Variants in CCR2 observed in about 807,000 individuals in gnomAD.
CCR2 encodes the protein C-C chemokine receptor type 2.
For missense variants in CCR2, 408 were observed against 440.0 expected (o/e 0.93, Z 0.65); for synonymous variants, 183 against 177.1 (o/e 1.03, Z -0.27).
chr3:46,360,598 C>G lies in CCR2; in HGVS notation c.*1988C>G, dbSNP rs1212202793. ...AGGTGGAGAAGCTCCCTGAAGTAAG[C>G]AAAGACTTTCCTCTTAGTCGAGCCA... On this transcript the variant is annotated 3_prime_UTR_variant, in exon 2 of 2. Transcript: ENST00000445132. The G allele has an allele frequency of 6.6e-6, 1 of 152,158 alleles. No homozygotes were observed. The highest frequency in any genetic ancestry group is 1.9e-4 in the East Asian group (1 of 5,192). The allele number at this position is 152,158 out of a possible 1,614,324, so 9.4% of individuals were successfully genotyped here.
chr3:46,359,600 C>T lies in CCR2; in HGVS notation c.*990C>T, dbSNP rs1176744837. The T allele has an allele frequency of 2.1e-6, 3 of 1,407,578 alleles. No individual in the cohort carries two copies. The highest frequency in any genetic ancestry group is 2.9e-6 in the Non-Finnish European group (3 of 1,038,986). The allele number at this position is 1,407,578 out of a possible 1,614,324, so 87.2% of individuals were successfully genotyped here. A position where few individuals can be genotyped will look rare whatever the true frequency, so the allele number is the denominator to read the frequency against. The stretch of plus-strand genomic sequence containing the variant: ...ATCAGAACCCAGTAAAGCTTCTTGT[C>T]TGGATCTGAGCTGGTTTGTTTTGTG... On this transcript the variant is annotated 3_prime_UTR_variant, in exon 2 of 2. Coordinates refer to ENST00000445132, the MANE Select transcript of CCR2 (RefSeq NM_001123396.4).
chr3:46,358,738 A>AAGGATT lies in CCR2; in HGVS notation c.*128_*129insAGGATT. 6.9e-7 allele frequency: 1 copy of AAGGATT among 1,453,096 alleles called. No homozygotes were observed. Among genetic ancestry groups the AAGGATT allele is most frequent in the Non-Finnish European group, 9.1e-7 (1 of 1,102,280 alleles). 90.0% of individuals were successfully genotyped at this position (1,453,096 alleles called of 1,614,324 possible). A position where few individuals can be genotyped will look rare whatever the true frequency, so the allele number is the denominator to read the frequency against. On this transcript the variant is annotated 3_prime_UTR_variant, in exon 2 of 2. Transcript: ENST00000445132. ...GCCCAGGAACCTCAGGGCTGTGTGT[A>AAGGATT]CTAATACAGACTATGTCACCCAATG...
rs1182893606 is a variant in CCR2, at chr3:46,359,729, T to C, written c.*1119T>C. The C allele has an allele frequency of 6.2e-7, 1 of 1,614,006 alleles. No homozygotes were observed. The highest frequency in any genetic ancestry group is 1.7e-5 in the Admixed American group (1 of 60,002). The stretch of plus-strand genomic sequence containing the variant: ...GATTGCCCCACTCCAAAAACCAGTG[T>C]GTGGAGGTCCAGGAGTGAGACCAGG... On this transcript the variant is annotated 3_prime_UTR_variant, in exon 2 of 2. Coordinates refer to ENST00000445132, the MANE Select transcript of CCR2 (RefSeq NM_001123396.4).
In CCR2 at chr3:46,359,991, G is replaced by T; in HGVS notation, c.*1381G>T. On this transcript the variant is annotated 3_prime_UTR_variant, in exon 2 of 2. Coordinates refer to ENST00000445132, the MANE Select transcript of CCR2 (RefSeq NM_001123396.4). ...AGAGGAGAGAGACTCCAGCTGGGTTGGAAAACAGTATTTTCCAAACTACCT... is the reference window on the plus strand; with the variant it reads ...AGAGGAGAGAGACTCCAGCTGGGTTTGAAAACAGTATTTTCCAAACTACCT... The T allele has an allele frequency of 2.4e-6, 2 of 817,296 alleles. No homozygotes were observed. The highest frequency in any genetic ancestry group is 3.8e-6 in the Non-Finnish European group (2 of 531,646). 50.6% of individuals were successfully genotyped at this position (817,296 alleles called of 1,614,324 possible). A position where few individuals can be genotyped will look rare whatever the true frequency, so the allele number is the denominator to read the frequency against.
chr3:46,360,053 A>G lies in CCR2; in HGVS notation c.*1443A>G. The G allele has an allele frequency of 1.9e-6, 1 of 532,374 alleles. No homozygotes were observed. The allele number at this position is 532,374 out of a possible 1,614,324, so 33.0% of individuals were successfully genotyped here. On this transcript the variant is annotated 3_prime_UTR_variant, in exon 2 of 2. Coordinates refer to ENST00000445132, the MANE Select transcript of CCR2 (RefSeq NM_001123396.4). ...ATTTTTGAATACAGGCATAGAGTTC[A>G]GACTTTTTTTAAATAGTAAAAATAA...
In CCR2 at chr3:46,357,890, C is replaced by T. The variant is rs772705542; in HGVS notation, c.363C>T (p.His121=). 4 of 1,614,224 alleles carry T rather than the reference C, an allele frequency of 2.5e-6. No homozygotes were observed. The Admixed American group carries it at 5.0e-5, about 20-fold the overall frequency. ...GCAAATTATTCACAGGGCTGTATCA[C>T]ATCGGTTATTTTGGCGGAATCTTCT... ...AMCKLFTGLY[H]IGYFGGIFFI... Residue 121 remains histidine, a synonymous_variant, in exon 2 of 2, where the codon CAC becomes CAT. Coordinates refer to ENST00000445132, the MANE Select transcript of CCR2 (RefSeq NM_001123396.4).
At position 46,357,902 on chromosome 3, in the gene CCR2, T is replaced by G. The variant is rs371121141; in HGVS notation, c.375T>G (p.Phe125Leu). 107 of 1,614,096 alleles carry G rather than the reference T, an allele frequency of 6.6e-5. No individual in the cohort carries two copies. Among genetic ancestry groups the G allele is most frequent in the Non-Finnish European group, 8.2e-5 (97 of 1,180,024 alleles). ...CAGGGCTGTATCACATCGGTTATTT[T>G]GGCGGAATCTTCTTCATCATCCTCC... is the stretch of plus-strand genomic sequence containing the variant. ...LFTGLYHIGY[F>L]GGIFFIILLT... Residue 125 changes from phenylalanine to leucine, a missense_variant, in exon 2 of 2, where the codon TTT becomes TTG. Phe to Leu is a conservative substitution (Grantham distance 22). Transcript: ENST00000445132.
In CCR2 at chr3:46,358,364, C is replaced by T; in HGVS notation, c.837C>T (p.Ser279=). 2 of 1,614,190 alleles carry T rather than the reference C, an allele frequency of 1.2e-6. No individual in the cohort carries two copies. The highest frequency in any genetic ancestry group is 1.7e-6 in the Non-Finnish European group (2 of 1,180,012). Reference sequence around the variant, plus strand: ...TCTTCGGCCTGAGTAACTGTGAAAGCACCAGTCAACTGGACCAAGCCACGC... The same window carrying T: ...TCTTCGGCCTGAGTAACTGTGAAAGTACCAGTCAACTGGACCAAGCCACGC... ...QEFFGLSNCE[S]TSQLDQATQV... is the part of the protein sequence containing the mutation. The change falls in exon 2 of 2, where the codon AGC becomes AGT. Residue 279 remains serine (S), a synonymous_variant. Coordinates refer to ENST00000445132, the MANE Select transcript of CCR2 (RefSeq NM_001123396.4).
At chr3:46,356,404 G>A (rs972112820) in intron 1 of CCR2, among the ~76,000 whole-genome samples, 2 of 152,160 alleles carry the variant, frequency 1.3e-5, no homozygotes, top group Admixed American at 6.5e-5. Flanking sequence ...AATAAAAAGC[G>A]GTAGCACAGC....
Position 46,359,942 on chromosome 3 carries a change from C to A in CCR2, c.*1332C>A. ...TGATTCACAGTGTGAATCTTGGTGT[C>A]TACGTTACCAGGCAGGAAGGCTGAG... On this transcript the variant is annotated 3_prime_UTR_variant, in exon 2 of 2. Coordinates refer to ENST00000445132, the MANE Select transcript of CCR2 (RefSeq NM_001123396.4). 7.3e-7 allele frequency: 1 copy of A among 1,367,842 alleles called. No homozygotes were observed. Among genetic ancestry groups the A allele is most frequent in the Non-Finnish European group, 1.0e-6 (1 of 987,902 alleles). 84.7% of individuals were successfully genotyped at this position (1,367,842 alleles called of 1,614,324 possible). A position where few individuals can be genotyped will look rare whatever the true frequency, so the allele number is the denominator to read the frequency against.
At chr3:46,355,564 T>G (rs1701437402) in intron 1 of CCR2, among the ~76,000 whole-genome samples, 1 of 152,154 alleles carries the variant, frequency 6.6e-6, no homozygotes, top group Admixed American at 6.5e-5. Flanking sequence ...CTATTCAATT[T>G]CAACTTAAGA....
Position 46,357,626 on chromosome 3 carries a change from T to C in CCR2, c.99T>C (p.His33=). ...FFDYDYGAPC[H]KFDVKQIGAQ... ...ATTATGATTACGGTGCTCCCTGTCA[T>C]AAATTTGACGTGAAGCAAATTGGGG... Residue 33 remains histidine (H), a synonymous_variant, in exon 2 of 2, where the codon CAT becomes CAC. Transcript: ENST00000445132. 3 of 1,614,136 alleles carry C rather than the reference T, an allele frequency of 1.9e-6. No homozygotes were observed. The highest frequency in any genetic ancestry group is 2.5e-6 in the Non-Finnish European group (3 of 1,180,000).
At chr3:46,355,974 T>G (rs1363265947) in intron 1 of CCR2, among the ~76,000 whole-genome samples, 1 of 152,258 alleles carries the variant, frequency 6.6e-6, no homozygotes, top group East Asian at 1.9e-4. Flanking sequence ...CCAATTTTGC[T>G]TCTTAGGCAA....
At chr3:46,356,900 A>T (rs1701462267) in intron 1 of CCR2, among the ~76,000 whole-genome samples, 1 of 146,658 alleles carries the variant, frequency 6.8e-6, no homozygotes, top group Non-Finnish European at 1.5e-5. Context: ...GCCTGGAGAC[A>T]CAGCGAGACT....
rs894316207 is a variant in CCR2, at chr3:46,359,082, C to T, written c.*472C>T. On this transcript the variant is annotated 3_prime_UTR_variant, in exon 2 of 2. Transcript: ENST00000445132. ...AAGACAAAGGTGAGCAAAGGGCTCA[C>T]GCATTCAGCCAGGAGATGATACTGG... is the stretch of plus-strand genomic sequence containing the variant. The T allele has an allele frequency of 4.9e-6, 5 of 1,011,306 alleles. No individual in the cohort carries two copies. The highest frequency in any genetic ancestry group is 1.7e-5 in the African/African-American group (1 of 57,410). 62.6% of individuals were successfully genotyped at this position (1,011,306 alleles called of 1,614,324 possible).
rs752821656 is a variant in CCR2 at position 46,357,831 on chromosome 3, G to A, written c.304G>A (p.Ala102Thr). ...LITLPLWAHS[A>T]ANEWVFGNAM... is the part of the protein sequence containing the mutation. ...TACTCTCCCATTGTGGGCTCACTCT[G>A]CTGCAAATGAGTGGGTCTTTGGGAA... Residue 102 changes from alanine (A) to threonine (T), a missense_variant, in exon 2 of 2, where the codon GCT (alanine) becomes ACT (threonine). Ala to Thr is a moderately conservative substitution (Grantham distance 58). Transcript: ENST00000445132. 60 of 1,614,062 alleles carry A rather than the reference G, an allele frequency of 3.7e-5. No individual in the cohort carries two copies. Among genetic ancestry groups the A allele is most frequent in the Non-Finnish European group, 4.2e-5 (50 of 1,180,042 alleles).
At position 46,359,739 on chromosome 3, in the gene CCR2, C is replaced by A; in HGVS notation, c.*1129C>A. 1 of 1,614,082 alleles carries A rather than the reference C, an allele frequency of 6.2e-7. No individual in the cohort carries two copies. On this transcript the variant is annotated 3_prime_UTR_variant, in exon 2 of 2. Coordinates refer to ENST00000445132, the MANE Select transcript of CCR2 (RefSeq NM_001123396.4). ...CTCCAAAAACCAGTGTGTGGAGGTC[C>A]AGGAGTGAGACCAGGAAAGAATGTG...
rs1701521319 is a variant in CCR2 at position 46,359,846 on chromosome 3, A to G, written c.*1236A>G. On this transcript the variant is annotated 3_prime_UTR_variant, in exon 2 of 2. Coordinates refer to ENST00000445132, the MANE Select transcript of CCR2 (RefSeq NM_001123396.4). Reference sequence around the variant, plus strand: ...AGCCCCTGAAGCCAGTCTTCAGGACAAAGAAGGAGCCTAGAGACAGAAATG... The same window carrying G: ...AGCCCCTGAAGCCAGTCTTCAGGACGAAGAAGGAGCCTAGAGACAGAAATG... 1.2e-6 allele frequency: 2 copies of G among 1,613,514 alleles called. No homozygotes were observed. The highest frequency in any genetic ancestry group is 2.7e-5 in the African/African-American group (2 of 74,852).
Position 46,357,952 on chromosome 3 carries a change from T to C in CCR2, c.425T>C (p.Ile142Thr). The C allele has an allele frequency of 1.2e-6, 2 of 1,614,232 alleles. No homozygotes were observed. Among genetic ancestry groups the C allele is most frequent in the Non-Finnish European group, 1.7e-6 (2 of 1,180,024 alleles). ...CTGACAATCGATAGATACCTGGCTA[T>C]TGTCCATGCTGTGTTTGCTTTAAAA... ...ILLTIDRYLA[I>T]VHAVFALKAR... The change falls in exon 2 of 2, where the codon ATT becomes ACT. Residue 142 changes from isoleucine to threonine, a missense_variant. Coordinates refer to ENST00000445132, the MANE Select transcript of CCR2 (RefSeq NM_001123396.4).
Sources: allele counts gnomAD v4.1 joint callset (sites outside exome capture counted in the v4.1 genomes callset), GRCh38; gene constraint gnomAD v4.1.1; transcripts MANE v1.5; gene names NCBI Gene and HGNC (gene_info 2026-07-23, HGNC 2026-07-21).